ATL1: variants seen among roughly 807,000 people sequenced by gnomAD.
ATL1 encodes the protein atlastin GTPase 1.
A neutral mutation model predicts 75.5 loss-of-function variants in ATL1; 31 were observed. The ratio of observed to expected loss-of-function variants is 0.41; its 90% CI spans 0.31 to 0.55. The LOEUF is 0.55. Ranked by LOEUF, ATL1 falls within the 20% of genes least tolerant of loss-of-function variation. The pLI is 0.27. For synonymous variants in ATL1, 226 were observed against 233.3 expected (o/e 0.97, Z 0.28); for missense variants, 405 against 662.6 (o/e 0.61, Z 4.27).
intron 1 of ATL1, among the ~76,000 whole-genome samples, chr14:50,567,952 A>G (rs1020776958): frequency 1.3e-5 from 2 of 152,218 alleles, no homozygotes; most frequent in African/African-American, 2.4e-5. Flanking sequence ...AAAAATGTGT[A>G]TTCTATTGTT....
At chr14:50,565,373 T>A (rs916855730) in intron 1 of ATL1, among the ~76,000 whole-genome samples, 4 of 151,800 alleles carry the variant, frequency 2.6e-5, no homozygotes, top group African/African-American at 9.7e-5. Flanking sequence ...TAATCCCAGC[T>A]ACTAGGGAAG....
intron 1 of ATL1, among the ~76,000 whole-genome samples, chr14:50,545,881 A>G (rs556320981): frequency 6.6e-6 from 1 of 152,212 alleles, no homozygotes; most frequent in Non-Finnish European, 1.5e-5. Flanking sequence ...CTGATGGCCA[A>G]ATTACAGCAA....
At chr14:50,560,049 G>C (rs1418750176), upstream of ATL1, 1 of 609,646 alleles carries the variant, frequency 1.6e-6, no homozygotes, top group Non-Finnish European at 3.0e-6. Context: ...GCTGGTATCT[G>C]TGTGAACTCG....
At chr14:50,558,595 A>T (rs1233587934), upstream of ATL1, among the ~76,000 whole-genome samples, 1 of 152,224 alleles carries the variant, frequency 6.6e-6, no homozygotes. Context: ...ACAGGTTTTT[A>T]AAAAATTAAT....
At chr14:50,546,912 C>T (rs532780456) in intron 1 of ATL1, among the ~76,000 whole-genome samples, 3 of 151,970 alleles carry the variant, frequency 2.0e-5, no homozygotes, top group Non-Finnish European at 4.4e-5. Context: ...TAGGCATACA[C>T]GTGCCATAGT....
At chr14:50,604,520 G>A (rs1402548622) in intron 6 of ATL1, among the ~76,000 whole-genome samples, 3 of 152,184 alleles carry the variant, frequency 2.0e-5, no homozygotes, top group South Asian at 2.1e-4. Flanking sequence ...TATACAACTC[G>A]AAATTGGAAG....
chr14:50,599,252 A>T (rs986316665), intron 6 of ATL1, among the ~76,000 whole-genome samples: 2 of 152,228 alleles, frequency 1.3e-5, no homozygotes, highest in African/African-American at 4.8e-5. Context: ...ATCAGAAAAC[A>T]GGCAAAGAAT....
chr14:50,602,347 C>T (rs1000212015), intron 6 of ATL1, among the ~76,000 whole-genome samples: 1 of 152,090 alleles, frequency 6.6e-6, no homozygotes, highest in African/African-American at 2.4e-5. Context: ...CAACAGTAAG[C>T]TTGTTATGGG....
At chr14:50,596,836 TAGAG>T in intron 6 of ATL1, among the ~76,000 whole-genome samples, 2 of 152,004 alleles carry the variant, frequency 1.3e-5, no homozygotes, top group Non-Finnish European at 2.9e-5. Context: ...AAATGGTACT[TAGAG>T]GGAAAAAAAT....
intron 1 of ATL1, among the ~76,000 whole-genome samples, chr14:50,542,031 A>G (rs1341854492): frequency 1.1e-5 from 1 of 93,596 alleles, no homozygotes; most frequent in Non-Finnish European, 2.9e-5. Flanking sequence ...AAAAAAAAAA[A>G]AAAAAAAAAA....
At chr14:50,627,449 C>T (rs1271893370) in intron 11 of ATL1, among the ~76,000 whole-genome samples, 1 of 152,174 alleles carries the variant, frequency 6.6e-6, no homozygotes, top group African/African-American at 2.4e-5. Flanking sequence ...ACTGAGATTA[C>T]CCTTGTAACT....
upstream of ATL1, among the ~76,000 whole-genome samples, chr14:50,556,021 GAATAGTTTGTGGAGT>G (rs2038761131): frequency 6.6e-6 from 1 of 152,174 alleles, no homozygotes; most frequent in Non-Finnish European, 1.5e-5. Flanking sequence ...AGGGGGAAGA[GAATAGTTTGTGGAGT>G]AACATCCCGG....
chr14:50,555,617 C>T (rs2038756692), upstream of ATL1, among the ~76,000 whole-genome samples: 3 of 152,100 alleles, frequency 2.0e-5, no homozygotes, highest in Non-Finnish European at 2.9e-5. Context: ...CGGTATTATC[C>T]CTGGATGGCT....
intron 10 of ATL1, among the ~76,000 whole-genome samples, chr14:50,622,703 A>AT (rs1282039601): frequency 6.6e-6 from 1 of 152,020 alleles, no homozygotes; most frequent in African/African-American, 2.4e-5. Context: ...AAATAAATAA[A>AT]TTTTAAAAAG....
chr14:50,628,691 C>T (rs1287643743), intron 12 of ATL1: 3 of 684,382 alleles, frequency 4.4e-6, no homozygotes, highest in Admixed American at 2.0e-5. Context: ...AAAAAATATA[C>T]ATCAGTTTAG....
At chr14:50,584,340 T>G (rs1291281462) in intron 1 of ATL1, among the ~76,000 whole-genome samples, 1 of 152,132 alleles carries the variant, frequency 6.6e-6, no homozygotes, top group Non-Finnish European at 1.5e-5. Context: ...CTCACACCAC[T>G]GCACTCTGCC....
intron 1 of ATL1, among the ~76,000 whole-genome samples, chr14:50,575,458 T>C (rs1013195069): frequency 1.3e-5 from 2 of 152,170 alleles, no homozygotes; most frequent in African/African-American, 4.8e-5. Context: ...TTCTTAAGAT[T>C]CACATTTATG....
chr14:50,554,820 C>T (rs8014535), intron 1 of ATL1, among the ~76,000 whole-genome samples: 135,889 of 152,124 alleles, frequency 0.89, 62,294 homozygotes, highest in Non-Finnish European at 0.99. Context: ...GGGCTGGACT[C>T]GTCTGAGTCA....
At chr14:50,555,836 G>A (rs1051765150), upstream of ATL1, among the ~76,000 whole-genome samples, 1 of 152,034 alleles carries the variant, frequency 6.6e-6, no homozygotes, top group Admixed American at 6.6e-5. Flanking sequence ...TTGTGTTACC[G>A]CCAAAAGCAT....
Sources: allele counts gnomAD v4.1 joint callset (sites outside exome capture counted in the v4.1 genomes callset), GRCh38; gene constraint gnomAD v4.1.1; transcripts MANE v1.5; gene names NCBI Gene and HGNC (gene_info 2026-07-23, HGNC 2026-07-21).